FAM222B: variants seen among roughly 807,000 people sequenced by gnomAD.
FAM222B encodes the protein protein FAM222B.
FAM222B carries 12 observed loss-of-function variants against 38.0 expected under a neutral mutation model. The observed-to-expected ratio is 0.32, with a 90% CI of 0.20 to 0.51. FAM222B has a LOEUF of 0.51. FAM222B is among the 20% of genes least tolerant of loss of function. FAM222B has a pLI of 0.97. For synonymous variants in FAM222B, 329 were observed against 317.2 expected (o/e 1.04, Z -0.40); for missense variants, 716 against 754.2 (o/e 0.95, Z 0.59).
intron 1 of FAM222B, among the ~76,000 whole-genome samples, chr17:28,830,553 C>T (rs914504821): frequency 2.0e-5 from 3 of 152,140 alleles, no homozygotes; most frequent in African/African-American, 7.2e-5. Flanking sequence ...TGACAGTCTT[C>T]TGCAAAGCAA....
chr17:28,837,307 G>A (rs1217769737), intron 1 of FAM222B, among the ~76,000 whole-genome samples: 1 of 151,420 alleles, frequency 6.6e-6, no homozygotes, highest in Non-Finnish European at 1.5e-5. Flanking sequence ...GTGGGCGCCT[G>A]TAGTCCTAGC....
upstream of FAM222B, among the ~76,000 whole-genome samples, chr17:28,843,012 A>C (rs1200525293): frequency 2.0e-5 from 3 of 152,166 alleles, no homozygotes; most frequent in African/African-American, 7.2e-5. Flanking sequence ...TAGGTTACTA[A>C]ACCCTTGGAT....
intron 1 of FAM222B, among the ~76,000 whole-genome samples, chr17:28,780,134 G>A (rs936122764): frequency 6.6e-6 from 1 of 151,976 alleles, no homozygotes; most frequent in Non-Finnish European, 1.5e-5. Flanking sequence ...ACCATGTCCG[G>A]CTAATTTTTA....
At chr17:28,801,709 T>G (rs1177796469) in intron 1 of FAM222B, among the ~76,000 whole-genome samples, 1 of 152,052 alleles carries the variant, frequency 6.6e-6, no homozygotes, top group Admixed American at 6.6e-5. Flanking sequence ...TAAATGGGAC[T>G]TTTCCCTCCT....
intron 1 of FAM222B, among the ~76,000 whole-genome samples, chr17:28,780,216 C>T (rs991984380): frequency 2.6e-5 from 4 of 151,870 alleles, no homozygotes; most frequent in East Asian, 1.9e-4. Context: ...ATGATCTATC[C>T]GCCTCAGCCC....
intron 1 of FAM222B, among the ~76,000 whole-genome samples, chr17:28,825,596 C>T (rs2038412360): frequency 6.6e-6 from 1 of 151,984 alleles, no homozygotes; most frequent in African/African-American, 2.4e-5. Context: ...TTCAACATAC[C>T]AAGCTCATTC....
intron 1 of FAM222B, among the ~76,000 whole-genome samples, chr17:28,822,415 G>A (rs2038258714): frequency 6.8e-6 from 1 of 148,032 alleles, no homozygotes. Flanking sequence ...CCTGAGGTCA[G>A]AAGTTCAAGA....
At chr17:28,799,411 C>T (rs2151895653) in intron 1 of FAM222B, among the ~76,000 whole-genome samples, 1 of 151,402 alleles carries the variant, frequency 6.6e-6, no homozygotes, top group East Asian at 1.9e-4. Context: ...GATTCTCCTG[C>T]CTCAGCTTCC....
chr17:28,796,784 T>C (rs999549270), intron 1 of FAM222B, among the ~76,000 whole-genome samples: 1 of 151,896 alleles, frequency 6.6e-6, no homozygotes, highest in Non-Finnish European at 1.5e-5. Flanking sequence ...GAGGATTAAA[T>C]GAGATGGTAT....
intron 1 of FAM222B, among the ~76,000 whole-genome samples, chr17:28,820,744 G>T (rs766020747): frequency 1.3e-5 from 2 of 149,862 alleles, no homozygotes; most frequent in African/African-American, 4.9e-5. Context: ...AGCAATTCTC[G>T]TGCCTTGGCC....
chr17:28,816,263 A>G (rs893912215), intron 1 of FAM222B, among the ~76,000 whole-genome samples: 1 of 151,940 alleles, frequency 6.6e-6, no homozygotes, highest in Non-Finnish European at 1.5e-5. Flanking sequence ...GGCGAGTGGG[A>G]CTCCGTCTCA....
chr17:28,790,893 T>A lies in FAM222B; in HGVS notation c.-40-24186A>T, dbSNP rs1356616602. Reference sequence around the variant, plus strand: ...ATTTCAAATTGTTTCACTTTTTTTTTTTTTTTTTTTTTTTTTTTTTTTAGA... The same window carrying A: ...ATTTCAAATTGTTTCACTTTTTTTTATTTTTTTTTTTTTTTTTTTTTTAGA... On this transcript the variant is annotated intron_variant, in intron 1 of 2. Coordinates refer to ENST00000581407, the MANE Select transcript of FAM222B (RefSeq NM_001077498.3). Among the ~76,000 whole-genome samples, 418 of 96,704 alleles carry A rather than the reference T, an allele frequency of 4.3e-3. 30 individuals carry two copies. Among genetic ancestry groups the A allele is most frequent in the South Asian group, 7.8e-3 (14 of 1,798 alleles). The allele number at this position is 96,704 out of a possible 152,430, so 63.4% of individuals were successfully genotyped here. A position where few individuals can be genotyped will look rare whatever the true frequency, so the allele number is the denominator to read the frequency against.
At chr17:28,775,162 G>A (rs1295937643) in intron 1 of FAM222B, among the ~76,000 whole-genome samples, 7 of 151,046 alleles carry the variant, frequency 4.6e-5, no homozygotes, top group African/African-American at 1.2e-4. Context: ...CACCATGCCC[G>A]ACTAATTTTT....
chr17:28,838,868 T>C (rs1054741788), intron 1 of FAM222B, among the ~76,000 whole-genome samples: 4 of 150,152 alleles, frequency 2.7e-5, no homozygotes, highest in East Asian at 4.0e-4. Context: ...GATCTCGCCA[T>C]TGCACTCCAG....
At chr17:28,779,467 A>G (rs1466581234) in intron 1 of FAM222B, among the ~76,000 whole-genome samples, 1 of 152,112 alleles carries the variant, frequency 6.6e-6, no homozygotes, top group Admixed American at 6.6e-5. Flanking sequence ...AAAGCATCTG[A>G]CAGGCCGGGC....
At chr17:28,807,296 G>A (rs1334062621) in intron 1 of FAM222B, among the ~76,000 whole-genome samples, 3 of 151,888 alleles carry the variant, frequency 2.0e-5, no homozygotes, top group Admixed American at 6.6e-5. Flanking sequence ...GATTACAGGC[G>A]TGAGCCACCG....
chr17:28,756,054 T>A lies in FAM222B; in HGVS notation c.*2216A>T, dbSNP rs1042222017. ...CACCCATAAACCACCACAGGTGAGG[T>A]GAGAGAGATGGAGAATGAATGCTAC... On this transcript the variant is annotated 3_prime_UTR_variant, in exon 3 of 3. Coordinates refer to ENST00000581407, the MANE Select transcript of FAM222B (RefSeq NM_001077498.3). 1.3e-5 allele frequency: 2 copies of A among 152,408 alleles called. No individual in the cohort carries two copies. Among genetic ancestry groups the A allele is most frequent in the African/African-American group, 4.8e-5 (2 of 41,384 alleles). The allele number at this position is 152,408 out of a possible 1,614,324, so 9.4% of individuals were successfully genotyped here. A position where few individuals can be genotyped will look rare whatever the true frequency, so the allele number is the denominator to read the frequency against.
intron 1 of FAM222B, among the ~76,000 whole-genome samples, chr17:28,830,990 CTTTT>C (rs56073818): frequency 8.5e-6 from 1 of 117,808 alleles, no homozygotes; most frequent in African/African-American, 3.2e-5. Flanking sequence ...GTGAATGTTT[CTTTT>C]TTTTTTTTTT....
chr17:28,767,783 CTT>C (rs2035415232), intron 1 of FAM222B, among the ~76,000 whole-genome samples: 2 of 152,112 alleles, frequency 1.3e-5, no homozygotes, highest in African/African-American at 4.8e-5. Context: ...GCCGAACTCA[CTT>C]TTAAATGGAA....
Sources: gnomAD v4.1 joint callset for allele counts (sites outside exome capture counted in the v4.1 genomes callset) on GRCh38, gnomAD v4.1.1 for gene constraint, MANE v1.5 for transcripts, NCBI Gene and HGNC (gene_info 2026-07-23, HGNC 2026-07-21) for gene names.